Variants in ADAMTSL1 observed in about 807,000 individuals in gnomAD.
The protein encoded by ADAMTSL1 is ADAMTS-like protein 1.
Under a neutral mutation model 201.8 loss-of-function variants are expected in ADAMTSL1, and 126 were observed. That is an observed-to-expected ratio of 0.62 (90% CI 0.54 to 0.72). The LOEUF (loss-of-function observed/expected upper bound fraction) is 0.72. Among genes scored for constraint, ADAMTSL1 ranks in the 30% least tolerant of loss-of-function variants. ADAMTSL1 has a pLI of 0.00. For synonymous variants in ADAMTSL1, 1,121 were observed against 903.4 expected (o/e 1.24, Z -4.32); for missense variants, 2,679 against 2,277.8 (o/e 1.18, Z -3.59).
intron 2 of ADAMTSL1, among the ~76,000 whole-genome samples, chr9:18,332,609 C>G (rs536488020): frequency 7.2e-5 from 11 of 152,180 alleles, no homozygotes; most frequent in Admixed American, 4.6e-4. Context: ...TGCTACCAGA[C>G]ATGGCAATTT....
chr9:18,828,724 T>TACAC (rs1195065400), intron 22 of ADAMTSL1, among the ~76,000 whole-genome samples: 2 of 134,062 alleles, frequency 1.5e-5, no homozygotes, highest in South Asian at 4.9e-4. Flanking sequence ...TATATATATG[T>TACAC]ACACACACAC....
intron 2 of ADAMTSL1, among the ~76,000 whole-genome samples, chr9:18,279,782 C>T (rs147321936): frequency 1.3e-3 from 199 of 152,288 alleles, no homozygotes; most frequent in African/African-American, 4.1e-3. Context: ...AGTTTCTTGG[C>T]AGGCCATCTT....
intron 14 of ADAMTSL1, among the ~76,000 whole-genome samples, chr9:18,712,960 A>C (rs375842747): frequency 1.1e-4 from 17 of 151,522 alleles, no homozygotes; most frequent in Non-Finnish European, 2.4e-4. Flanking sequence ...TTCTTAAAGA[A>C]AAGAATTTTC....
Position 18,721,646 on chromosome 9 carries a change from T to G in ADAMTSL1, c.1987T>G (p.Leu663Val), listed in dbSNP as rs776402719. 4 of 1,613,904 alleles carry G rather than the reference T, an allele frequency of 2.5e-6. No individual in the cohort carries two copies. Among genetic ancestry groups the G allele is most frequent in the Admixed American group, 1.7e-5 (1 of 60,016 alleles). The stretch of plus-strand genomic sequence containing the variant: ...CCCACAGCTCCTGAAGTCCTGCAAT[T>G]TGGATCCCTGCCCAGCAAGGTAAGG... Reference protein sequence around the residue: ...RPPQLLKSCNLDPCPARWEIG... With the variant: ...RPPQLLKSCNVDPCPARWEIG... Residue 663 changes from leucine (L) to valine (V), a missense_variant, in exon 15 of 29, where the codon TTG (leucine) becomes GTG (valine). By Grantham distance (32) the Leu-to-Val change is conservative. Coordinates refer to ENST00000380548, the MANE Select transcript of ADAMTSL1 (RefSeq NM_001040272.6).
chr9:18,375,795 T>G (rs1269084326), intron 2 of ADAMTSL1, among the ~76,000 whole-genome samples: 4 of 152,242 alleles, frequency 2.6e-5, no homozygotes, highest in African/African-American at 9.6e-5. Flanking sequence ...TTCCCTTTTT[T>G]GTCCCTGCCC....
chr9:18,895,757 C>T (rs1829592643), intron 26 of ADAMTSL1, among the ~76,000 whole-genome samples: 1 of 152,152 alleles, frequency 6.6e-6, no homozygotes, highest in African/African-American at 2.4e-5. Context: ...TGCCCAATCA[C>T]AGAGCCAGTC....
At chr9:18,234,865 T>G (rs1830779187) in intron 2 of ADAMTSL1, among the ~76,000 whole-genome samples, 2 of 152,188 alleles carry the variant, frequency 1.3e-5, no homozygotes, top group Non-Finnish European at 2.9e-5. Context: ...AGTACCAACT[T>G]TTTCATGGAG....
chr9:18,609,315 C>T (rs1439464728), intron 4 of ADAMTSL1, among the ~76,000 whole-genome samples: 1 of 152,120 alleles, frequency 6.6e-6, no homozygotes, highest in Admixed American at 6.6e-5. Context: ...TGCTACTCCA[C>T]AGCAATTTCA....
intron 9 of ADAMTSL1, among the ~76,000 whole-genome samples, chr9:18,662,994 A>G (rs1829197841): frequency 6.6e-6 from 1 of 152,192 alleles, no homozygotes; most frequent in Non-Finnish European, 1.5e-5. Flanking sequence ...AAACATCTCA[A>G]TGTTATTTTT....
chr9:18,743,935 A>G (rs1296403036), intron 15 of ADAMTSL1, among the ~76,000 whole-genome samples: 1 of 152,148 alleles, frequency 6.6e-6, no homozygotes, highest in Non-Finnish European at 1.5e-5. Context: ...CTCTCTCTGT[A>G]ACCCTTCGTG....
intron 2 of ADAMTSL1, among the ~76,000 whole-genome samples, chr9:18,176,070 G>C (rs1828140688): frequency 6.7e-6 from 1 of 149,110 alleles, no homozygotes; most frequent in African/African-American, 2.5e-5. Context: ...AGGTGCAGTT[G>C]GACACAAGGT....
At chr9:18,063,347 A>G (rs1447845607) in intron 1 of ADAMTSL1, among the ~76,000 whole-genome samples, 2 of 152,210 alleles carry the variant, frequency 1.3e-5, no homozygotes, top group East Asian at 3.9e-4. Context: ...AGAGCCCACT[A>G]TTAAACAAAT....
intron 2 of ADAMTSL1, among the ~76,000 whole-genome samples, chr9:18,464,186 C>G (rs544190694): frequency 6.6e-6 from 1 of 152,314 alleles, no homozygotes; most frequent in African/African-American, 2.4e-5. Context: ...TCATCCCAAG[C>G]TTCATTAACT....
At chr9:18,547,630 AT>A (rs1820547234) in intron 3 of ADAMTSL1, among the ~76,000 whole-genome samples, 5 of 114,592 alleles carry the variant, frequency 4.4e-5, no homozygotes, top group East Asian at 2.7e-4. Flanking sequence ...CTGTATATAT[AT>A]ATAAAAAAAA....
chr9:18,887,781 T>G (rs564621788), intron 23 of ADAMTSL1, 50 bp from the exon 24 acceptor site: 2 of 1,510,434 alleles, frequency 1.3e-6, no homozygotes, highest in African/African-American at 1.4e-5. Context: ...GCACCAGCAA[T>G]GTGTTCCTTA....
chr9:18,564,426 G>T (rs1821748533), intron 3 of ADAMTSL1, among the ~76,000 whole-genome samples: 1 of 152,196 alleles, frequency 6.6e-6, no homozygotes, highest in African/African-American at 2.4e-5. Flanking sequence ...TGATCTCGCT[G>T]GGAGCTGCAG....
chr9:18,853,967 G>T (rs1320111869), intron 23 of ADAMTSL1, among the ~76,000 whole-genome samples: 1 of 150,734 alleles, frequency 6.6e-6, no homozygotes, highest in Non-Finnish European at 1.5e-5. Context: ...ATACACGCAG[G>T]ATTTGTCTCC....
chr9:18,695,788 A>G (rs10116792), intron 13 of ADAMTSL1, among the ~76,000 whole-genome samples: 57,712 of 152,084 alleles, frequency 0.38, 11,177 homozygotes, highest in Non-Finnish European at 0.43. Flanking sequence ...AGCTATCTTT[A>G]TAGCAATGCC....
intron 1 of ADAMTSL1, among the ~76,000 whole-genome samples, chr9:17,963,404 T>C (rs1588485880): frequency 2.6e-5 from 4 of 152,210 alleles, no homozygotes; most frequent in East Asian, 1.9e-4. Flanking sequence ...CTAGTAGTCA[T>C]TCAGGATGAC....
Sources: gnomAD v4.1 joint callset for allele counts (sites outside exome capture counted in the v4.1 genomes callset) on GRCh38, gnomAD v4.1.1 for gene constraint, MANE v1.5 for transcripts, NCBI Gene and HGNC (gene_info 2026-07-23, HGNC 2026-07-21) for gene names.